Variants in CIAPIN1 observed in about 807,000 individuals in gnomAD.
The protein encoded by CIAPIN1 is anamorsin.
Under a neutral mutation model 34.3 loss-of-function variants are expected in CIAPIN1, and 18 were observed. The observed-to-expected ratio is 0.52, with a 90% confidence interval of 0.36 to 0.78. CIAPIN1 has a LOEUF of 0.78. Ranked by LOEUF, CIAPIN1 falls within the 30% of genes least tolerant of loss-of-function variation. The pLI is 0.00. For missense variants in CIAPIN1, 310 were observed against 372.5 expected, an observed-to-expected ratio of 0.83 and a Z score of 1.38; for synonymous variants, 131 against 140.4, an observed-to-expected ratio of 0.93 and a Z score of 0.47.
At chr16:57,431,366 AAAG>A in intron 6 of CIAPIN1, 100 bp from the exon 7 acceptor site, 1 of 723,972 alleles carries the variant, frequency 1.4e-6, no homozygotes, top group Non-Finnish European at 2.3e-6. Flanking sequence ...AGTCCAGGGT[AAAG>A]AAGGTGTCCA....
Position 57,440,914 on chromosome 16 carries a change from C to T in CIAPIN1, c.15G>A (p.Gly5=), listed in dbSNP as rs980022965. ...CTGCCACAAACTGGCCAGCAGAGAT[C>T]CCAAAATCTGCCATTCTTGCAGTGC... MADF[G]ISAGQFVAVV... The change falls in exon 2 of 9, where the codon GGG becomes GGA. Residue 5 remains glycine, a synonymous_variant. Transcript: ENST00000394391. 13 of 1,612,984 alleles carry T rather than the reference C, an allele frequency of 8.1e-6. No homozygotes were observed. In the African/African-American group the frequency reaches 1.3e-4, roughly 17 times the overall value.
intron 7 of CIAPIN1, 29 bp downstream of exon 7, chr16:57,431,122 T>A: frequency 7.3e-7 from 1 of 1,377,914 alleles, no homozygotes; most frequent in South Asian, 1.2e-5. Context: ...GGAGGCAGCA[T>A]GGCAGGCTCC....
intron 1 of CIAPIN1, among the ~76,000 whole-genome samples, chr16:57,443,173 G>GTT (rs1395261806): frequency 1.4e-5 from 2 of 146,336 alleles, no homozygotes; most frequent in Non-Finnish European, 3.0e-5. Flanking sequence ...GGAGGACAGA[G>GTT]TTTCACTCTT....
chr16:57,446,973 G>A (rs912869310), intron 1 of CIAPIN1, among the ~76,000 whole-genome samples: 4 of 152,194 alleles, frequency 2.6e-5, no homozygotes, highest in Non-Finnish European at 5.9e-5. Flanking sequence ...GAGGCCCAAG[G>A]TCACAACGAT....
At chr16:57,441,148 T>G (rs1276955509) in intron 1 of CIAPIN1, 165 bp from the exon 2 acceptor site, 1 of 369,564 alleles carries the variant, frequency 2.7e-6, no homozygotes, top group African/African-American at 2.1e-5. Context: ...CAAGTCTTCA[T>G]AAGCCCAACA....
intron 6 of CIAPIN1, 197 bp from the exon 7 acceptor site, chr16:57,431,463 A>G (rs1451858142): frequency 2.1e-6 from 1 of 468,526 alleles, no homozygotes; most frequent in Non-Finnish European, 3.9e-6. Context: ...ACATCCACAG[A>G]AGATGCACTA....
At chr16:57,441,605 T>G (rs1903333251) in intron 1 of CIAPIN1, among the ~76,000 whole-genome samples, 1 of 152,238 alleles carries the variant, frequency 6.6e-6, no homozygotes, top group Admixed American at 6.5e-5. Context: ...TATTACCATT[T>G]TACAGTCTGG....
intron 1 of CIAPIN1, among the ~76,000 whole-genome samples, chr16:57,447,081 G>C (rs112800333): frequency 6.6e-6 from 1 of 152,224 alleles, no homozygotes; most frequent in East Asian, 1.9e-4. Flanking sequence ...CTCAGAGTAG[G>C]GCCGGCTGCG....
intron 7 of CIAPIN1, 67 bp from the exon 8 acceptor site, chr16:57,430,406 G>T: frequency 1.4e-6 from 2 of 1,457,712 alleles, no homozygotes; most frequent in Non-Finnish European, 1.9e-6. Context: ...TCCTAACAGT[G>T]CCAAAATGTG....
intron 5 of CIAPIN1, among the ~76,000 whole-genome samples, chr16:57,433,418 C>T (rs970203450): frequency 2.0e-5 from 3 of 152,124 alleles, no homozygotes; most frequent in Non-Finnish European, 4.4e-5. Context: ...CAGTCAAAAC[C>T]GTACAAGTGG....
At chr16:57,430,437 C>T (rs1163199232) in intron 7 of CIAPIN1, 98 bp from the exon 8 acceptor site, 1 of 1,092,466 alleles carries the variant, frequency 9.2e-7, no homozygotes, top group African/African-American at 1.6e-5. Flanking sequence ...TTTCTCTTCA[C>T]ACCAGTGTCA....
chr16:57,445,095 G>A (rs1426715293), intron 1 of CIAPIN1, among the ~76,000 whole-genome samples: 1 of 152,004 alleles, frequency 6.6e-6, no homozygotes, highest in African/African-American at 2.4e-5. Context: ...TGGTGAAAGG[G>A]GACAAAAGCA....
chr16:57,437,670 T>C (rs142941276), intron 3 of CIAPIN1, among the ~76,000 whole-genome samples: 2,507 of 151,924 alleles, frequency 0.017, 32 homozygotes, highest in South Asian at 0.043. Context: ...GGGTTATAGG[T>C]GTGCACTACC....
At position 57,429,253 on chromosome 16, in the gene CIAPIN1, C is replaced by G; in HGVS notation, c.856G>C (p.Ala286Pro). ...NCYLGDAFRC[A>P]SCPYLGMPAF... ...GGCATCCCAAGGTAGGGGCAGCTGG[C>G]ACAGCGGAAGGCATCGCCCAGGTAG... Residue 286 changes from alanine (A) to proline (P), a missense_variant, in exon 9 of 9, where the codon GCC (alanine) becomes CCC (proline). Transcript: ENST00000394391. 1 of 1,613,992 alleles carries G rather than the reference C, an allele frequency of 6.2e-7. No homozygotes were observed. The highest frequency in any genetic ancestry group is 8.5e-7 in the Non-Finnish European group (1 of 1,179,962).
chr16:57,442,348 A>G (rs1445175646), intron 1 of CIAPIN1, among the ~76,000 whole-genome samples: 1 of 152,004 alleles, frequency 6.6e-6, no homozygotes, highest in Non-Finnish European at 1.5e-5. Context: ...CCGTCTCAAA[A>G]TAAATAAATA....
At chr16:57,445,323 A>G (rs1340495620) in intron 1 of CIAPIN1, among the ~76,000 whole-genome samples, 3 of 152,128 alleles carry the variant, frequency 2.0e-5, no homozygotes, top group African/African-American at 4.8e-5. Context: ...CCTGGCCAAC[A>G]TGGAGAAAAC....
At chr16:57,433,084 C>T (rs1161629828) in intron 5 of CIAPIN1, among the ~76,000 whole-genome samples, 1 of 152,180 alleles carries the variant, frequency 6.6e-6, no homozygotes, top group African/African-American at 2.4e-5. Context: ...GAGCTTTAGC[C>T]TCATGTAAAC....
chr16:57,437,608 C>T (rs1268047314), intron 3 of CIAPIN1, among the ~76,000 whole-genome samples: 3 of 151,972 alleles, frequency 2.0e-5, no homozygotes, highest in African/African-American at 4.8e-5. Context: ...ATTGCAGCCT[C>T]GACCTCCCAG....
At chr16:57,442,440 C>A (rs1225993736) in intron 1 of CIAPIN1, among the ~76,000 whole-genome samples, 2 of 150,982 alleles carry the variant, frequency 1.3e-5, no homozygotes, top group Admixed American at 6.6e-5. Context: ...GCAGGTGGAT[C>A]CCTTGAGTCC....
Sources: gnomAD v4.1 joint callset for allele counts (sites outside exome capture counted in the v4.1 genomes callset) on GRCh38, gnomAD v4.1.1 for gene constraint, MANE v1.5 for transcripts, NCBI Gene and HGNC (gene_info 2026-07-23, HGNC 2026-07-21) for gene names.